ANKS6: variants seen among roughly 807,000 people sequenced by gnomAD.
ANKS6 encodes the protein ankyrin repeat and sterile alpha motif domain containing 6, also known as ankyrin repeat and SAM domain-containing protein 6.
A neutral mutation model predicts 77.9 loss-of-function variants in ANKS6; 47 were observed. That is an observed-to-expected ratio of 0.60 (90% CI 0.48 to 0.77). The LOEUF is 0.77. Ranked by LOEUF, ANKS6 falls within the 30% of genes least tolerant of loss-of-function variation. ANKS6 has a pLI of 0.00. For synonymous variants in ANKS6, 488 were observed against 501.7 expected (o/e 0.97, Z 0.37); for missense variants, 1,150 against 1,159.1 (o/e 0.99, Z 0.11).
intron 13 of ANKS6, among the ~76,000 whole-genome samples, chr9:98,749,574 T>C (rs1202922857): frequency 6.6e-6 from 1 of 152,198 alleles, no homozygotes; most frequent in South Asian, 2.1e-4. Context: ...TGTCACCCTA[T>C]GAGCCAGGGA....
At chr9:98,783,234 T>C (rs1834379049) in intron 4 of ANKS6, among the ~76,000 whole-genome samples, 1 of 152,162 alleles carries the variant, frequency 6.6e-6, no homozygotes, top group African/African-American at 2.4e-5. Flanking sequence ...GACATCTCCA[T>C]TGGGAAAGTC....
chr9:98,779,905 G>A (rs557240391), intron 6 of ANKS6, among the ~76,000 whole-genome samples: 21 of 152,118 alleles, frequency 1.4e-4, no homozygotes, highest in African/African-American at 3.9e-4. Context: ...CTCGTGATCC[G>A]CCCGTCTTGG....
chr9:98,739,816 G>A lies in ANKS6; in HGVS notation c.2512-3193C>T, dbSNP rs367995807. ...GTCGCCCAGGCTGGAGTGCAGTGGC[G>A]CAATCTCGGCTCACTGCAGGCTCCG... On this transcript the variant is annotated intron_variant, in intron 14 of 14. Transcript: ENST00000353234. Among the ~76,000 whole-genome samples the A allele has an allele frequency of 8.9e-4, 107 of 120,316 alleles. No homozygotes were observed. In the Middle Eastern group the frequency reaches 0.018, roughly 21 times the overall value. 78.9% of individuals were successfully genotyped at this position (120,316 alleles called of 152,430 possible). A position where few individuals can be genotyped will look rare whatever the true frequency, so the allele number is the denominator to read the frequency against.
At chr9:98,749,035 T>C (rs1832290864) in intron 13 of ANKS6, among the ~76,000 whole-genome samples, 1 of 152,156 alleles carries the variant, frequency 6.6e-6, no homozygotes, top group Non-Finnish European at 1.5e-5. Flanking sequence ...CTGGGTCTGG[T>C]GGCAATCAGC....
chr9:98,737,421 A>G (rs1831558488), intron 14 of ANKS6, among the ~76,000 whole-genome samples: 1 of 152,230 alleles, frequency 6.6e-6, no homozygotes, highest in African/African-American at 2.4e-5. Flanking sequence ...TAGCTCTTCT[A>G]TACAACAACA....
chr9:98,794,083 G>C (rs1835049817), intron 1 of ANKS6, among the ~76,000 whole-genome samples: 2 of 147,420 alleles, frequency 1.4e-5, no homozygotes, highest in African/African-American at 5.0e-5. Flanking sequence ...CCAGGAGGCG[G>C]AGGTTGCAGT....
Position 98,774,044 on chromosome 9 carries a change from C to A in ANKS6, c.1654G>T (p.Asp552Tyr). The stretch of plus-strand genomic sequence containing the variant: ...GGGGGGATGACTGCTTTCAGCTTGT[C>A]ACTCGGGAGTCTGGTGAGGGGAGCT... ...NGAPLTRLPS[D>Y]KLKAVIPPFL... The change falls in exon 9 of 15, where the codon GAC becomes TAC. Residue 552 changes from aspartate to tyrosine, a missense_variant. Coordinates refer to ENST00000353234, the MANE Select transcript of ANKS6 (RefSeq NM_173551.5). The A allele has an allele frequency of 6.4e-7, 1 of 1,551,302 alleles. No homozygotes were observed. The highest frequency in any genetic ancestry group is 8.7e-7 in the Non-Finnish European group (1 of 1,147,496).
At chr9:98,753,540 A>T (rs1832539421) in intron 12 of ANKS6, among the ~76,000 whole-genome samples, 1 of 152,038 alleles carries the variant, frequency 6.6e-6, no homozygotes, top group African/African-American at 2.4e-5. Context: ...GGATTGCTTG[A>T]GACCAGGGAG....
chr9:98,780,227 T>G lies in ANKS6; in HGVS notation c.1330A>C (p.Ser444Arg), dbSNP rs1405313224. Residue 444 changes from serine to arginine, a missense_variant, in exon 6 of 15, where the codon AGC (serine) becomes CGC (arginine). Transcript: ENST00000353234. ...TTGTCATCGGGCAGCACTGGGATGC[T>G]CCAGGGCTGTCGGACCTTCGAGTGG... ...LPHSKVRQPW[S>R]IPVLPDDKGG... 6.2e-7 allele frequency: 1 copy of G among 1,614,066 alleles called. No homozygotes were observed. Among genetic ancestry groups the G allele is most frequent in the African/African-American group, 1.3e-5 (1 of 75,048 alleles).
At chr9:98,753,646 T>A (rs1220589496) in intron 12 of ANKS6, among the ~76,000 whole-genome samples, 1 of 150,800 alleles carries the variant, frequency 6.6e-6, no homozygotes, top group African/African-American at 2.4e-5. Context: ...AAGCCCTGAT[T>A]GATGGTGTTT....
intron 1 of ANKS6, among the ~76,000 whole-genome samples, chr9:98,790,985 C>T (rs573862574): frequency 2.6e-4 from 39 of 152,302 alleles, no homozygotes; most frequent in African/African-American, 8.2e-4. Context: ...AACATCACAT[C>T]AATGTTAGCG....
chr9:98,777,022 C>T (rs1833953390), intron 8 of ANKS6, among the ~76,000 whole-genome samples: 1 of 152,240 alleles, frequency 6.6e-6, no homozygotes, highest in Non-Finnish European at 1.5e-5. Context: ...CTCTAAGTTA[C>T]AGATGAGGAA....
rs1430068622 is a variant in ANKS6 at position 98,735,774 on chromosome 9, CTT to C, written c.*743_*744del. The C allele has an allele frequency of 1.5e-5, 19 of 1,231,620 alleles. No homozygotes were observed. The highest frequency in any genetic ancestry group is 6.2e-4 in the Middle Eastern group (2 of 3,230). 76.3% of individuals were successfully genotyped at this position (1,231,620 alleles called of 1,614,324 possible). On this transcript the variant is annotated 3_prime_UTR_variant, in exon 15 of 15. Coordinates refer to ENST00000353234, the MANE Select transcript of ANKS6 (RefSeq NM_173551.5). Reference sequence around the variant, plus strand: ...CTTCTTTCCTTCTATAATAGACTCTCTTTGCAATAAAGAAAAATGCGTTTGAC... The same window carrying C: ...CTTCTTTCCTTCTATAATAGACTCTCTGCAATAAAGAAAAATGCGTTTGAC...
At position 98,733,021 on chromosome 9, in the gene ANKS6, T is replaced by G. The variant is rs996450249; in HGVS notation, c.*3498A>C. 1.1e-6 allele frequency: 1 copy of G among 886,608 alleles called. No individual in the cohort carries two copies. Among genetic ancestry groups the G allele is most frequent in the Admixed American group, 5.2e-5 (1 of 19,120 alleles). 54.9% of individuals were successfully genotyped at this position (886,608 alleles called of 1,614,324 possible). On this transcript the variant is annotated 3_prime_UTR_variant, in exon 15 of 15. Transcript: ENST00000353234. ...CAGGCTGAGCCTGAGCCATCATCGA[T>G]GACTTTCCCTGAGCTGTATACCCAG...
intron 5 of ANKS6, among the ~76,000 whole-genome samples, chr9:98,781,016 T>A (rs762747050): frequency 6.6e-6 from 1 of 151,832 alleles, no homozygotes; most frequent in Non-Finnish European, 1.5e-5. Context: ...GTTCTTTGCC[T>A]CAGCCTCCCA....
At chr9:98,789,295 G>A (rs1316570318) in intron 2 of ANKS6, among the ~76,000 whole-genome samples, 1 of 152,022 alleles carries the variant, frequency 6.6e-6, no homozygotes, top group East Asian at 1.9e-4. Flanking sequence ...CATAGACAGA[G>A]GGTACCAAGG....
intron 11 of ANKS6, among the ~76,000 whole-genome samples, chr9:98,758,703 C>A (rs1024993954): frequency 5.9e-5 from 9 of 152,242 alleles, no homozygotes; most frequent in African/African-American, 2.2e-4. Flanking sequence ...TTCAACCCAA[C>A]ATCCACAGAG....
intron 12 of ANKS6, among the ~76,000 whole-genome samples, chr9:98,752,622 A>C (rs1264428971): frequency 1.3e-5 from 2 of 152,192 alleles, no homozygotes; most frequent in Non-Finnish European, 2.9e-5. Flanking sequence ...TGCTCTTTAC[A>C]ACACCAATGA....
chr9:98,753,796 C>T (rs985012245), intron 12 of ANKS6, among the ~76,000 whole-genome samples: 4 of 152,132 alleles, frequency 2.6e-5, no homozygotes, highest in East Asian at 1.9e-4. Context: ...ATGAGATATA[C>T]ACAACCTCAA....
Sources: gnomAD v4.1 joint callset for allele counts (sites outside exome capture counted in the v4.1 genomes callset) on GRCh38, gnomAD v4.1.1 for gene constraint, MANE v1.5 for transcripts, NCBI Gene and HGNC (gene_info 2026-07-23, HGNC 2026-07-21) for gene names.